B4GALT6: variants seen among roughly 807,000 people sequenced by gnomAD.
The protein encoded by B4GALT6 is beta-1,4-galactosyltransferase 6, also known as UDP-Gal:beta-GlcNAc beta-1,4-galactosyltransferase 6.
B4GALT6 carries 14 observed loss-of-function variants against 46.3 expected under a neutral mutation model. That is an observed-to-expected ratio of 0.30 (90% CI 0.20 to 0.47). The LOEUF is 0.47. Among genes scored for constraint, B4GALT6 ranks in the 20% least tolerant of loss-of-function variants. B4GALT6 has a pLI of 0.99. For synonymous variants in B4GALT6, 168 were observed against 162.0 expected, an observed-to-expected ratio of 1.04 and a Z score of -0.28; for missense variants, 386 against 480.1, an observed-to-expected ratio of 0.80 and a Z score of 1.83.
intron 1 of B4GALT6, among the ~76,000 whole-genome samples, chr18:31,680,321 G>A (rs12967642): frequency 0.089 from 13,526 of 152,230 alleles, 797 homozygotes; most frequent in Middle Eastern, 0.15. Flanking sequence ...TGCTAGCCCA[G>A]GAAGAACCCC....
At chr18:31,724,439 C>T in the B4GALT6 span, 7 of 1,037,396 alleles carry the variant, frequency 6.7e-6, no homozygotes, top group Admixed American at 5.0e-5. Context: ...CCACGCGAAT[C>T]GCCGCCATGA....
chr18:31,697,055 G>A, the B4GALT6 span, among the ~76,000 whole-genome samples: 1 of 152,144 alleles, frequency 6.6e-6, no homozygotes, highest in Non-Finnish European at 1.5e-5. Flanking sequence ...TGGATCACTT[G>A]ACGCCAGGAG....
chr18:31,720,871 CT>C, the B4GALT6 span, among the ~76,000 whole-genome samples: 1 of 152,176 alleles, frequency 6.6e-6, no homozygotes, highest in South Asian at 2.1e-4. Context: ...GATATGCAGG[CT>C]TTGGAGACCG....
chr18:31,652,737 T>A (rs1422049312), intron 3 of B4GALT6, among the ~76,000 whole-genome samples: 1 of 152,186 alleles, frequency 6.6e-6, no homozygotes, highest in East Asian at 1.9e-4. Flanking sequence ...CCTCAACTGG[T>A]CGCCACATCT....
upstream of B4GALT6, among the ~76,000 whole-genome samples, chr18:31,685,324 G>A (rs1598942006): frequency 1.3e-5 from 2 of 151,560 alleles, no homozygotes; most frequent in African/African-American, 4.8e-5. Context: ...CGGGGAGCCG[G>A]AAGAGCAGAG....
chr18:31,698,762 G>T, the B4GALT6 span, among the ~76,000 whole-genome samples: 10 of 152,078 alleles, frequency 6.6e-5, no homozygotes, highest in South Asian at 2.1e-4. Flanking sequence ...GCAAAAAAAG[G>T]TCAGCTCATT....
At chr18:31,722,003 T>C in the B4GALT6 span, among the ~76,000 whole-genome samples, 1 of 152,078 alleles carries the variant, frequency 6.6e-6, no homozygotes, top group Non-Finnish European at 1.5e-5. Context: ...GAACTAGGAA[T>C]TCTACACTAG....
At chr18:31,650,692 A>G (rs1458735369) in intron 3 of B4GALT6, among the ~76,000 whole-genome samples, 1 of 152,238 alleles carries the variant, frequency 6.6e-6, no homozygotes, top group Non-Finnish European at 1.5e-5. Flanking sequence ...GATAAAGTAT[A>G]TTCTGTGGTT....
the B4GALT6 span, among the ~76,000 whole-genome samples, chr18:31,703,225 ATTCT>A: frequency 6.6e-6 from 1 of 152,238 alleles, no homozygotes; most frequent in East Asian, 1.9e-4. Context: ...GGAAAAAACA[ATTCT>A]TTCTTCATAA....
intron 3 of B4GALT6, among the ~76,000 whole-genome samples, chr18:31,653,633 A>G (rs2074103639): frequency 6.6e-6 from 1 of 151,744 alleles, no homozygotes; most frequent in Non-Finnish European, 1.5e-5. Context: ...TTTTTGGTAG[A>G]GACAGGTTTC....
At chr18:31,703,843 C>T in the B4GALT6 span, among the ~76,000 whole-genome samples, 2 of 152,166 alleles carry the variant, frequency 1.3e-5, no homozygotes, top group Admixed American at 1.3e-4. Context: ...AAGCTCTGAG[C>T]TCAAGTATTT....
the B4GALT6 span, among the ~76,000 whole-genome samples, chr18:31,700,336 C>A: frequency 6.6e-6 from 1 of 151,904 alleles, no homozygotes; most frequent in African/African-American, 2.4e-5. Context: ...TATAATCAAG[C>A]ATGTAGATCT....
chr18:31,721,786 T>G, the B4GALT6 span, among the ~76,000 whole-genome samples: 4 of 152,312 alleles, frequency 2.6e-5, no homozygotes, highest in African/African-American at 9.6e-5. Context: ...TTGCCTGAGT[T>G]TCTAACTTGG....
rs1419870642 is a variant in B4GALT6 at position 31,623,220 on chromosome 18, T to A, written c.*2394A>T. The A allele has an allele frequency of 5.3e-5, 8 of 152,220 alleles. No individual in the cohort carries two copies. In the East Asian group the frequency reaches 1.5e-3, roughly 29 times the overall value. The allele number at this position is 152,220 out of a possible 1,614,324, so 9.4% of individuals were successfully genotyped here. Reference sequence around the variant, plus strand: ...AATCTTTATGTAATAATTAATACAATGAAGATAAACGGGCACAGCTCTGTC... The same window carrying A: ...AATCTTTATGTAATAATTAATACAAAGAAGATAAACGGGCACAGCTCTGTC... On this transcript the variant is annotated 3_prime_UTR_variant, in exon 9 of 9. Coordinates refer to ENST00000306851, the MANE Select transcript of B4GALT6 (RefSeq NM_004775.5).
chr18:31,651,953 GT>G (rs561624007), intron 3 of B4GALT6, among the ~76,000 whole-genome samples: 360 of 152,000 alleles, frequency 2.4e-3, no homozygotes, highest in South Asian at 5.8e-3. Context: ...TTTATTTTTG[GT>G]AGAGACGGGG....
intron 8 of B4GALT6, 42 bp from the exon 9 acceptor site, chr18:31,625,803 T>A: frequency 6.6e-7 from 1 of 1,515,958 alleles, no homozygotes; most frequent in Non-Finnish European, 8.8e-7. Context: ...ACAAAACATG[T>A]TCAAAAAGGA....
At position 31,625,183 on chromosome 18, in the gene B4GALT6, T is replaced by C. The variant is rs1555633414; in HGVS notation, c.*431A>G. The C allele has an allele frequency of 6.5e-6, 1 of 154,462 alleles. No individual in the cohort carries two copies. Among genetic ancestry groups the C allele is most frequent in the African/African-American group, 2.4e-5 (1 of 41,482 alleles). 9.6% of individuals were successfully genotyped at this position (154,462 alleles called of 1,614,324 possible). A position where few individuals can be genotyped will look rare whatever the true frequency, so the allele number is the denominator to read the frequency against. On this transcript the variant is annotated 3_prime_UTR_variant, in exon 9 of 9. Transcript: ENST00000306851. Reference sequence around the variant, plus strand: ...TTTTCATGCAAATAAAAAATGTCTATAAAAGTCCAATAAAGGTATAACCGA... The same window carrying C: ...TTTTCATGCAAATAAAAAATGTCTACAAAAGTCCAATAAAGGTATAACCGA...
At chr18:31,699,604 C>T in the B4GALT6 span, among the ~76,000 whole-genome samples, 2 of 118,874 alleles carry the variant, frequency 1.7e-5, no homozygotes, top group African/African-American at 6.4e-5. Context: ...TCAAAGAAAT[C>T]AGGAAATACA....
upstream of B4GALT6, among the ~76,000 whole-genome samples, chr18:31,690,764 C>G (rs143092752): frequency 5.1e-4 from 78 of 152,312 alleles, no homozygotes; most frequent in African/African-American, 1.8e-3. Flanking sequence ...AGCCACCATG[C>G]CCAGCCCCCA....
Sources: allele counts gnomAD v4.1 joint callset (sites outside exome capture counted in the v4.1 genomes callset), GRCh38; gene constraint gnomAD v4.1.1; transcripts MANE v1.5; gene names NCBI Gene and HGNC (gene_info 2026-07-23, HGNC 2026-07-21).